NCS1: variants seen among roughly 807,000 people sequenced by gnomAD.
The protein encoded by NCS1 is frequenin homolog.
A neutral mutation model predicts 28.4 loss-of-function variants in NCS1; 6 were observed. The observed-to-expected ratio is 0.21, with a 90% CI of 0.12 to 0.42. The LOEUF (loss-of-function observed/expected upper bound fraction) is 0.42. Among genes scored for constraint, NCS1 ranks in the 10% least tolerant of loss-of-function variants. The probability of loss-of-function intolerance (pLI) is 1.00; values close to 1 mark genes in which losing one functional copy is unlikely to be tolerated. For missense variants in NCS1, 131 were observed against 241.4 expected, an observed-to-expected ratio of 0.54 and a Z score of 3.03; for synonymous variants, 86 against 99.3, an observed-to-expected ratio of 0.87 and a Z score of 0.79.
At chr9:130,227,652 A>G (rs1833434806) in intron 7 of NCS1, among the ~76,000 whole-genome samples, 1 of 152,228 alleles carries the variant, frequency 6.6e-6, no homozygotes, top group Non-Finnish European at 1.5e-5. Flanking sequence ...TCTGATAAGC[A>G]GTGACGTTGA....
At chr9:130,230,083 G>A (rs1554911896) in intron 7 of NCS1, among the ~76,000 whole-genome samples, 1 of 152,234 alleles carries the variant, frequency 6.6e-6, no homozygotes. Context: ...AGGCGCACTG[G>A]CTCATGCCAG....
In NCS1 at chr9:130,236,791, G is replaced by C. The variant is rs1209765749; in HGVS notation, c.*3819G>C. ...CCCAGGGAGGCCCACCTCACTCCCAGCCTGACTCGGTGGCTGGCTTCCTTC... is the reference window on the plus strand; with the variant it reads ...CCCAGGGAGGCCCACCTCACTCCCACCCTGACTCGGTGGCTGGCTTCCTTC... On this transcript the variant is annotated 3_prime_UTR_variant, in exon 8 of 8. Transcript: ENST00000372398. 1 of 152,140 alleles carries C rather than the reference G, an allele frequency of 6.6e-6. No homozygotes were observed. Among genetic ancestry groups the C allele is most frequent in the Non-Finnish European group, 1.5e-5 (1 of 68,074 alleles). The allele number at this position is 152,140 out of a possible 1,614,324, so 9.4% of individuals were successfully genotyped here.
intron 1 of NCS1, among the ~76,000 whole-genome samples, chr9:130,195,888 G>A (rs1389702295): frequency 6.6e-6 from 1 of 152,250 alleles, no homozygotes; most frequent in African/African-American, 2.4e-5. Context: ...TGCAAGGACT[G>A]CCTGCGTTCC....
chr9:130,206,731 C>T (rs1833028955), intron 2 of NCS1, among the ~76,000 whole-genome samples: 1 of 152,096 alleles, frequency 6.6e-6, no homozygotes, highest in Admixed American at 6.6e-5. Context: ...CTGAACAACT[C>T]TCAGGACACC....
At position 130,232,275 on chromosome 9, in the gene NCS1, T is replaced by C. The variant is rs1554912229; in HGVS notation, c.*18-715T>C. Among the ~76,000 whole-genome samples the C allele has an allele frequency of 6.6e-6, 1 of 152,182 alleles. No homozygotes were observed. The highest frequency in any genetic ancestry group is 1.5e-5 in the Non-Finnish European group (1 of 68,022). On this transcript the variant is annotated intron_variant, in intron 7 of 7. Coordinates refer to ENST00000372398, the MANE Select transcript of NCS1 (RefSeq NM_014286.4). This position sits in a 1 kb window ranked among gnomAD's most constrained non-coding sequence, Gnocchi z 4.4. ...CCTGTGGCTTTGATGTGTGTTTCCC[T>C]AATGACTAGGGATGTTGGGCATCTT...
chr9:130,230,364 A>C (rs1180031297), intron 7 of NCS1, among the ~76,000 whole-genome samples: 1 of 151,968 alleles, frequency 6.6e-6, no homozygotes. Flanking sequence ...AACAAAACAA[A>C]ACAAATTATC....
chr9:130,188,709 CCT>C (rs1564704338), intron 1 of NCS1, among the ~76,000 whole-genome samples: 1 of 150,586 alleles, frequency 6.6e-6, no homozygotes, highest in Non-Finnish European at 1.5e-5. Flanking sequence ...CTGCGCCCAG[CCT>C]CTTTCCTTTG....
At chr9:130,229,411 C>T (rs1024567068) in intron 7 of NCS1, among the ~76,000 whole-genome samples, 16 of 152,132 alleles carry the variant, frequency 1.1e-4, no homozygotes, top group Admixed American at 7.9e-4. Context: ...CTTGCCACCA[C>T]GCCCGGCTAA....
At chr9:130,204,085 C>G (rs955499747) in intron 2 of NCS1, among the ~76,000 whole-genome samples, 1 of 152,064 alleles carries the variant, frequency 6.6e-6, no homozygotes, top group African/African-American at 2.4e-5. Context: ...CTCTGCCTCC[C>G]GGGTTCATGC....
intron 1 of NCS1, among the ~76,000 whole-genome samples, chr9:130,188,191 C>T (rs1380921489): frequency 3.9e-5 from 6 of 152,240 alleles, no homozygotes; most frequent in African/African-American, 1.4e-4. Context: ...GACCACACCA[C>T]GCTGCCTCTG....
At chr9:130,217,595 C>T (rs893871950) in intron 2 of NCS1, among the ~76,000 whole-genome samples, 5 of 152,176 alleles carry the variant, frequency 3.3e-5, no homozygotes, top group Admixed American at 2.6e-4. Context: ...TATGTCAGTT[C>T]GTAACCCCCT....
chr9:130,211,178 G>A (rs1208071766), intron 2 of NCS1, among the ~76,000 whole-genome samples: 1 of 151,706 alleles, frequency 6.6e-6, no homozygotes, highest in Non-Finnish European at 1.5e-5. Flanking sequence ...CAGAGTTCCT[G>A]TATGCTCAAT....
intron 2 of NCS1, among the ~76,000 whole-genome samples, chr9:130,202,942 G>A (rs1832972955): frequency 1.3e-5 from 2 of 151,940 alleles, no homozygotes; most frequent in Non-Finnish European, 1.5e-5. Context: ...CATGGCAGAT[G>A]AGGAAACTGA....
intron 1 of NCS1, among the ~76,000 whole-genome samples, chr9:130,190,727 T>G (rs782412884): frequency 6.6e-6 from 1 of 152,236 alleles, no homozygotes; most frequent in Non-Finnish European, 1.5e-5. Flanking sequence ...AAAGCCTTCC[T>G]GAGCCTGGAC....
At chr9:130,227,434 G>A (rs1398081356) in intron 7 of NCS1, among the ~76,000 whole-genome samples, 2 of 152,204 alleles carry the variant, frequency 1.3e-5, no homozygotes, top group Non-Finnish European at 2.9e-5. Context: ...GAATTGCTGG[G>A]ACATAGGATA....
At chr9:130,223,296 C>T in intron 6 of NCS1, 137 bp downstream of exon 6, 1 of 721,740 alleles carries the variant, frequency 1.4e-6, no homozygotes. Context: ...GGTGTCCTAT[C>T]CCTGCTCAGC....
At chr9:130,203,436 G>A (rs1387659366) in intron 2 of NCS1, among the ~76,000 whole-genome samples, 2 of 152,214 alleles carry the variant, frequency 1.3e-5, no homozygotes, top group African/African-American at 2.4e-5. Flanking sequence ...AGGGATGAAT[G>A]AGTGGACAGC....
Position 130,183,850 on chromosome 9 carries a change from C to A in NCS1, c.64+11123C>A, listed in dbSNP as rs144568820. Among the ~76,000 whole-genome samples the A allele has an allele frequency of 2.9e-3, 441 of 150,686 alleles. 7 individuals are homozygous for A. Among genetic ancestry groups the A allele is most frequent in the African/African-American group, 0.01 (423 of 40,992 alleles). On this transcript the variant is annotated intron_variant, in intron 1 of 7. Coordinates refer to ENST00000372398, the MANE Select transcript of NCS1 (RefSeq NM_014286.4). ...TTTGAGACAGAGTCTCGCTCTGTCG[C>A]CCAGGCTGGAGTGCAGTGGCATGAT...
At chr9:130,218,102 A>G (rs1833213718) in intron 3 of NCS1, 132 bp downstream of exon 3, 1 of 1,164,850 alleles carries the variant, frequency 8.6e-7, no homozygotes, top group African/African-American at 1.5e-5. Flanking sequence ...GCATACTGAC[A>G]TGCACAGATA....
Sources: gnomAD v4.1 joint callset for allele counts (sites outside exome capture counted in the v4.1 genomes callset) on GRCh38, gnomAD v4.1.1 for gene constraint, Gnocchi (gnomAD v3.1) non-coding constraint, MANE v1.5 for transcripts, NCBI Gene and HGNC (gene_info 2026-07-23, HGNC 2026-07-21) for gene names.